Variants in MSH4 observed in about 807,000 individuals in gnomAD.
MSH4 encodes mutS protein homolog 4.
A neutral mutation model predicts 113.7 loss-of-function variants in MSH4; 106 were observed. The ratio of observed to expected loss-of-function variants is 0.93; its 90% CI spans 0.80 to 1.10. The LOEUF (loss-of-function observed/expected upper bound fraction) is 1.10. MSH4 is among the 50% of genes least tolerant of loss of function. The probability of loss-of-function intolerance (pLI) is 0.00; values close to 1 mark genes in which losing one functional copy is unlikely to be tolerated. For missense variants in MSH4, 1,061 were observed against 1,093.7 expected, an observed-to-expected ratio of 0.97 and a Z score of 0.42; for synonymous variants, 368 against 380.2, an observed-to-expected ratio of 0.97 and a Z score of 0.37.
chr1:75,899,690 T>G lies in MSH4; in HGVS notation c.2603T>G (p.Ile868Ser). The change falls in exon 19 of 20, where the codon ATT becomes AGT. Residue 868 changes from isoleucine (I) to serine (S), a missense_variant. Coordinates refer to ENST00000263187, the MANE Select transcript of MSH4 (RefSeq NM_002440.4). ...VLDAKEITTQ[I>S]TRQILQNQRS... ...GATGCCAAGGAAATCACAACTCAAA[T>G]TACGAGACAAATTTTGGTAAGAAAC... 1 of 1,500,068 alleles carries G rather than the reference T, an allele frequency of 6.7e-7. No individual in the cohort carries two copies. Among genetic ancestry groups the G allele is most frequent in the Non-Finnish European group, 8.8e-7 (1 of 1,131,670 alleles). 92.9% of individuals were successfully genotyped at this position (1,500,068 alleles called of 1,614,324 possible).
chr1:75,838,035 A>G (rs9970840), intron 7 of MSH4, among the ~76,000 whole-genome samples: 8,916 of 152,140 alleles, frequency 0.059, 463 homozygotes, highest in African/African-American at 0.14. Flanking sequence ...CTCTGTATTC[A>G]TTTCTTAATG....
At chr1:75,837,388 T>A (rs1012788724) in intron 7 of MSH4, among the ~76,000 whole-genome samples, 1 of 16,376 alleles carries the variant, frequency 6.1e-5, no homozygotes, top group Non-Finnish European at 1.7e-4. Context: ...ATTGTGCCCT[T>A]TTTTTTTTTT....
At chr1:75,807,635 C>T (rs1158370898) in intron 3 of MSH4, among the ~76,000 whole-genome samples, 1 of 152,100 alleles carries the variant, frequency 6.6e-6, no homozygotes, top group Admixed American at 6.6e-5. Flanking sequence ...AATACTACTA[C>T]CTTATTATTT....
intron 7 of MSH4, among the ~76,000 whole-genome samples, chr1:75,843,434 T>C (rs2100542515): frequency 6.6e-6 from 1 of 152,284 alleles, no homozygotes; most frequent in East Asian, 1.9e-4. Context: ...TGTGAATTAT[T>C]CCCACAAGAG....
At chr1:75,854,416 G>A (rs1651271252) in intron 8 of MSH4, among the ~76,000 whole-genome samples, 1 of 152,074 alleles carries the variant, frequency 6.6e-6, no homozygotes, top group Non-Finnish European at 1.5e-5. Context: ...CTTCTACGCA[G>A]AGGAGGCTTT....
intron 8 of MSH4, among the ~76,000 whole-genome samples, chr1:75,849,856 C>G (rs1397766996): frequency 6.6e-6 from 1 of 152,124 alleles, no homozygotes; most frequent in Non-Finnish European, 1.5e-5. Context: ...ATAAATTCCA[C>G]TTATTAAATA....
intron 14 of MSH4, 46 bp from the exon 15 acceptor site, chr1:75,883,575 C>A: frequency 1.4e-6 from 2 of 1,468,222 alleles, no homozygotes; most frequent in Admixed American, 1.9e-5. Context: ...AATCTTTAGA[C>A]ACAAATATAT....
chr1:75,877,853 A>T (rs1456226068), intron 10 of MSH4, among the ~76,000 whole-genome samples: 3 of 152,122 alleles, frequency 2.0e-5, no homozygotes, highest in Admixed American at 1.3e-4. Flanking sequence ...TTCTTTAGAG[A>T]TGTATTTTGT....
intron 9 of MSH4, among the ~76,000 whole-genome samples, chr1:75,875,179 C>G (rs1449170860): frequency 1.3e-5 from 2 of 152,200 alleles, no homozygotes; most frequent in Non-Finnish European, 2.9e-5. Context: ...CAGGTGTGAG[C>G]CATGGCGCCA....
chr1:75,804,062 G>T, intron 2 of MSH4, 149 bp downstream of exon 2: 1 of 489,184 alleles, frequency 2.0e-6, no homozygotes, highest in Non-Finnish European at 3.3e-6. Context: ...TCCATAATTT[G>T]AGTCTAGATT....
At chr1:75,889,448 A>G in intron 16 of MSH4, 79 bp downstream of exon 16, 4 of 646,604 alleles carry the variant, frequency 6.2e-6, no homozygotes. Flanking sequence ...AAATATTTTT[A>G]TACTAAAATA....
In MSH4 at chr1:75,803,617, CAAAAAAGA is replaced by C. The variant is rs1371556679; in HGVS notation, c.245-99_245-92del. On this transcript the variant is annotated intron_variant, in intron 1 of 19. Coordinates refer to ENST00000263187, the MANE Select transcript of MSH4 (RefSeq NM_002440.4). Reference sequence around the variant, plus strand: ...GGGCGACAAGAGCAAGACTCTGTCTCAAAAAAGAAAAAAAGAAAAAAAAGGAAAGTGAA... The same window carrying C: ...GGGCGACAAGAGCAAGACTCTGTCTCAAAAAAGAAAAAAAAGGAAAGTGAA... 1.1e-5 allele frequency: 9 copies of C among 827,434 alleles called. No homozygotes were observed. The Admixed American group carries it at 1.2e-4, about 11-fold the overall frequency. The allele number at this position is 827,434 out of a possible 1,614,324, so 51.3% of individuals were successfully genotyped here.
intron 8 of MSH4, among the ~76,000 whole-genome samples, chr1:75,862,724 A>G (rs1651485446): frequency 6.6e-6 from 1 of 152,208 alleles, no homozygotes; most frequent in African/African-American, 2.4e-5. Context: ...AATTGAATAC[A>G]GTATTTACTA....
chr1:75,824,665 G>T (rs1283313389), intron 7 of MSH4, among the ~76,000 whole-genome samples: 2 of 152,138 alleles, frequency 1.3e-5, no homozygotes, highest in African/African-American at 2.4e-5. Context: ...GTAAGGAAGG[G>T]ATCCAGTTTC....
intron 13 of MSH4, 135 bp from the exon 14 acceptor site, chr1:75,881,111 G>A: frequency 1.6e-6 from 1 of 607,926 alleles, no homozygotes; most frequent in Non-Finnish European, 2.5e-6. Context: ...ATGAACAATA[G>A]GCTTTATCTA....
At chr1:75,865,742 C>A (rs572705578) in intron 8 of MSH4, among the ~76,000 whole-genome samples, 2 of 152,136 alleles carry the variant, frequency 1.3e-5, no homozygotes, top group Admixed American at 6.5e-5. Flanking sequence ...TCATCAATTA[C>A]AAAATCTATA....
intron 9 of MSH4, among the ~76,000 whole-genome samples, chr1:75,872,160 T>C (rs1242448042): frequency 6.6e-6 from 1 of 152,194 alleles, no homozygotes; most frequent in Non-Finnish European, 1.5e-5. Context: ...ATATCTTTCC[T>C]GTGCATTCCC....
chr1:75,856,909 G>A (rs771372317), intron 8 of MSH4, among the ~76,000 whole-genome samples: 3 of 152,180 alleles, frequency 2.0e-5, no homozygotes, highest in African/African-American at 7.2e-5. Context: ...CACCAACAGT[G>A]TAAAAGGGAT....
At chr1:75,831,218 C>A (rs1360295300) in intron 7 of MSH4, among the ~76,000 whole-genome samples, 3 of 152,178 alleles carry the variant, frequency 2.0e-5, no homozygotes, top group Non-Finnish European at 4.4e-5. Flanking sequence ...GTAAAGGGGT[C>A]AATTCAACAA....
Sources: gnomAD v4.1 joint callset for allele counts (sites outside exome capture counted in the v4.1 genomes callset) on GRCh38, gnomAD v4.1.1 for gene constraint, MANE v1.5 for transcripts, NCBI Gene and HGNC (gene_info 2026-07-23, HGNC 2026-07-21) for gene names.